The following MC4R variants were observed in gnomAD, a reference collection of about 807,000 sequenced individuals.
MC4R encodes the protein melanocortin 4 receptor, also known as melanocortin receptor 4.
A neutral mutation model predicts 16.1 loss-of-function variants in MC4R; 15 were observed. That is an observed-to-expected ratio of 0.93 (90% CI 0.62 to 1.44). The LOEUF is 1.44. MC4R is among the 40% of genes most tolerant of loss of function. The probability of loss-of-function intolerance (pLI) is 0.00; values close to 1 mark genes in which losing one functional copy is unlikely to be tolerated. For synonymous variants in MC4R, 162 were observed against 151.7 expected (o/e 1.07, Z -0.50); for missense variants, 416 against 411.4 (o/e 1.01, Z -0.10).
Position 60,371,930 on chromosome 18 carries a change from C to T in MC4R, c.420G>A (p.Leu140=), listed in dbSNP as rs1283814402. ...AGTACCTGTCCACTGCAATTGAAAG[C>T]AGGCTGCAAATGGATGCAAGCAAGG... is the stretch of plus-strand genomic sequence containing the variant. ...CSSLLASICS[L]LSIAVDRYFT... is the part of the protein sequence containing the mutation. The change falls in exon 1 of 1, where the codon CTG becomes CTA. Residue 140 remains leucine (L), a synonymous_variant. Coordinates refer to ENST00000299766, the MANE Select transcript of MC4R (RefSeq NM_005912.3). 1 of 1,614,140 alleles carries T rather than the reference C, an allele frequency of 6.2e-7. No homozygotes were observed. The highest frequency in any genetic ancestry group is 8.5e-7 in the Non-Finnish European group (1 of 1,180,024).
In MC4R at chr18:60,372,658, T is replaced by C. The variant is rs1289012904; in HGVS notation, c.-309A>G. ...CTTTAATCTTATGCATTCAAGTCTG[T>C]TCAAAATAATTTTCCTTGAAGCTGC... is the stretch of plus-strand genomic sequence containing the variant. On this transcript the variant is annotated 5_prime_UTR_variant, in exon 1 of 1. Transcript: ENST00000299766. 2 of 405,084 alleles carry C rather than the reference T, an allele frequency of 4.9e-6. No individual in the cohort carries two copies. The highest frequency in any genetic ancestry group is 4.1e-5 in the African/African-American group (2 of 48,784). The allele number at this position is 405,084 out of a possible 1,614,324, so 25.1% of individuals were successfully genotyped here. A position where few individuals can be genotyped will look rare whatever the true frequency, so the allele number is the denominator to read the frequency against.
Position 60,371,403 on chromosome 18 carries a change from A to C in MC4R, c.947T>G (p.Ile316Ser), listed in dbSNP as rs121913564. The change falls in exon 1 of 1, where the codon ATC (isoleucine) becomes AGC (serine). Residue 316 changes from isoleucine (I) to serine (S), a missense_variant. Physicochemically the swap from Ile to Ser is moderately radical, Grantham distance 142 (BLOSUM62 -2). Transcript: ENST00000299766. ...GCCTCCCAGGGGATAGCAACAGATG[A>C]TCTCTTTGAAGGTTTTCCTCAGTTC... ...SQELRKTFKE[I>S]ICCYPLGGLC... 25 of 1,614,072 alleles carry C rather than the reference A, an allele frequency of 1.5e-5. No homozygotes were observed. In the South Asian group the frequency reaches 2.6e-4, roughly 17 times the overall value.
In MC4R at chr18:60,371,319, G is replaced by A. The variant is rs1231496329; in HGVS notation, c.*32C>T. On this transcript the variant is annotated 3_prime_UTR_variant, in exon 1 of 1. Coordinates refer to ENST00000299766, the MANE Select transcript of MC4R (RefSeq NM_005912.3). The stretch of plus-strand genomic sequence containing the variant: ...GGGTAAGAGTGAAAAAGTCTCTTAT[G>A]CATGTTCCTATATTGCGTGCTCTGT... 2 of 1,611,632 alleles carry A rather than the reference G, an allele frequency of 1.2e-6. No individual in the cohort carries two copies. The highest frequency in any genetic ancestry group is 1.7e-5 in the Admixed American group (1 of 60,020).
In MC4R at chr18:60,371,724, G is replaced by A; in HGVS notation, c.626C>T (p.Ala209Val). 1.2e-6 allele frequency: 2 copies of A among 1,614,148 alleles called. No individual in the cohort carries two copies. The highest frequency in any genetic ancestry group is 1.6e-4 in the Middle Eastern group (1 of 6,062). ...CAGGAACATGTGGACATAGAGAGAA[G>A]CCATGAGAGCCAGCATGGTGAAGAA... is the stretch of plus-strand genomic sequence containing the variant. ...TMFFTMLALMASLYVHMFLMA... is the reference protein window; with the variant it reads ...TMFFTMLALMVSLYVHMFLMA... Residue 209 changes from alanine to valine, a missense_variant, in exon 1 of 1, where the codon GCT becomes GTT. Coordinates refer to ENST00000299766, the MANE Select transcript of MC4R (RefSeq NM_005912.3).
At position 60,371,992 on chromosome 18, in the gene MC4R, T is replaced by C. The variant is rs773217210; in HGVS notation, c.358A>G (p.Asn120Asp). ...ACCGAGTCAATGACATTATCAATAT[T>C]CACTGTGAAACTCTGTGCATCCGTA... The part of the protein sequence containing the change: ...TDTDAQSFTV[N>D]IDNVIDSVIC... The change falls in exon 1 of 1, where the codon AAT (asparagine) becomes GAT (aspartate). Residue 120 changes from asparagine to aspartate, a missense_variant. Asn to Asp is a conservative substitution (Grantham distance 23). Coordinates refer to ENST00000299766, the MANE Select transcript of MC4R (RefSeq NM_005912.3). The C allele has an allele frequency of 1.2e-6, 2 of 1,614,152 alleles. No homozygotes were observed. The highest frequency in any genetic ancestry group is 2.2e-5 in the East Asian group (1 of 44,880).
chr18:60,372,438 T>C lies in MC4R; in HGVS notation c.-89A>G. 1.4e-6 allele frequency: 2 copies of C among 1,452,988 alleles called. No individual in the cohort carries two copies. The highest frequency in any genetic ancestry group is 9.5e-7 in the Non-Finnish European group (1 of 1,053,034). 90.0% of individuals were successfully genotyped at this position (1,452,988 alleles called of 1,614,324 possible). On this transcript the variant is annotated 5_prime_UTR_variant, in exon 1 of 1. Coordinates refer to ENST00000299766, the MANE Select transcript of MC4R (RefSeq NM_005912.3). ...CAGTTATTTCCTCCAAGTCTTTATC[T>C]GTCTGAAAGTTGTGAGGCTAAAATT...
rs752432398 is a variant in MC4R at position 60,372,336 on chromosome 18, G to T, written c.14C>A (p.Thr5Asn). The change falls in exon 1 of 1, where the codon ACC (threonine) becomes AAC (asparagine). Residue 5 changes from threonine to asparagine, a missense_variant. Coordinates refer to ENST00000299766, the MANE Select transcript of MC4R (RefSeq NM_005912.3). Reference protein sequence around the residue: MVNSTHRGMHTSLHL... With the variant: MVNSNHRGMHTSLHL... ...CAGAGAAGTGTGCATCCCACGGTGG[G>T]TGGAGTTCACCATGCTGGCAGGAGA... The T allele has an allele frequency of 1.2e-5, 19 of 1,614,110 alleles. No individual in the cohort carries two copies. Among genetic ancestry groups the T allele is most frequent in the Non-Finnish European group, 1.6e-5 (19 of 1,180,026 alleles).
In MC4R at chr18:60,372,064, A is replaced by T; in HGVS notation, c.286T>A (p.Ser96Thr). Residue 96 changes from serine (S) to threonine (T), a missense_variant, in exon 1 of 1, where the codon TCA becomes ACA. Coordinates refer to ENST00000299766, the MANE Select transcript of MC4R (RefSeq NM_005912.3). ...LAVADMLVSVSNGSETIVITL... is the reference protein window; with the variant it reads ...LAVADMLVSVTNGSETIVITL... Reference sequence around the variant, plus strand: ...ATGACAATGGTTTCTGATCCATTTGAAACGCTCACCAGCATATCAGCCACA... The same window carrying T: ...ATGACAATGGTTTCTGATCCATTTGTAACGCTCACCAGCATATCAGCCACA... 2 of 1,614,226 alleles carry T rather than the reference A, an allele frequency of 1.2e-6. No homozygotes were observed. Among genetic ancestry groups the T allele is most frequent in the South Asian group, 2.2e-5 (2 of 91,080 alleles).
In MC4R at chr18:60,371,573, G is replaced by A; in HGVS notation, c.777C>T (p.Ala259=). The part of the protein sequence containing the change: ...ILIGVFVVCW[A]PFFLHLIFYI... ...AGAATATTAAGTGGAGGAAGAATGG[G>A]GCCCAGCAGACAACAAAGACGCCAA... Residue 259 remains alanine (A), a synonymous_variant, in exon 1 of 1, where the codon GCC becomes GCT. Coordinates refer to ENST00000299766, the MANE Select transcript of MC4R (RefSeq NM_005912.3). The A allele has an allele frequency of 1.2e-6, 2 of 1,614,170 alleles. No individual in the cohort carries two copies. The highest frequency in any genetic ancestry group is 4.5e-5 in the East Asian group (2 of 44,874).
In MC4R at chr18:60,371,272, G is replaced by T; in HGVS notation, c.*79C>A. 1 of 1,401,572 alleles carries T rather than the reference G, an allele frequency of 7.1e-7. No individual in the cohort carries two copies. 86.8% of individuals were successfully genotyped at this position (1,401,572 alleles called of 1,614,324 possible). A position where few individuals can be genotyped will look rare whatever the true frequency, so the allele number is the denominator to read the frequency against. On this transcript the variant is annotated 3_prime_UTR_variant, in exon 1 of 1. Transcript: ENST00000299766. ...ACCCTACACGGAAGAGAAAGCTGTT[G>T]CAGAAGTACAATATTCAGGTAGGGT...
At position 60,371,915 on chromosome 18, in the gene MC4R, C is replaced by CA; in HGVS notation, c.434dup (p.Asp146GlyfsTer14). The CA allele has an allele frequency of 1.2e-6, 2 of 1,614,066 alleles. No individual in the cohort carries two copies. Among genetic ancestry groups the CA allele is most frequent in the South Asian group, 2.2e-5 (2 of 91,076 alleles). ...CATAGAAGATAGTAAAGTACCTGTC[C>CA]ACTGCAATTGAAAGCAGGCTGCAAA... is the stretch of plus-strand genomic sequence containing the variant. On this transcript the variant is annotated frameshift_variant, in exon 1 of 1. Transcript: ENST00000299766. LOFTEE classifies it high-confidence loss of function.
chr18:60,372,674 T>A lies in MC4R; in HGVS notation c.-325A>T. 2.7e-6 allele frequency: 1 copy of A among 374,462 alleles called. No individual in the cohort carries two copies. Among genetic ancestry groups the A allele is most frequent in the Non-Finnish European group, 5.3e-6 (1 of 187,722 alleles). The allele number at this position is 374,462 out of a possible 1,614,324, so 23.2% of individuals were successfully genotyped here. On this transcript the variant is annotated 5_prime_UTR_variant, in exon 1 of 1. In the 5' UTR this introduces an upstream ATG that the reference lacks. Transcript: ENST00000299766. The stretch of plus-strand genomic sequence containing the variant: ...TCAAGTCTGTTCAAAATAATTTTCC[T>A]TGAAGCTGCCATGCCATTGGGAGAC...
chr18:60,372,450 G>A lies in MC4R; in HGVS notation c.-101C>T. On this transcript the variant is annotated 5_prime_UTR_variant, in exon 1 of 1. The change creates a premature stop within an existing upstream ORF in the 5' untranslated region. Transcript: ENST00000299766. Reference sequence around the variant, plus strand: ...CCAAGTCTTTATCTGTCTGAAAGTTGTGAGGCTAAAATTGCCATGCCTGCT... The same window carrying A: ...CCAAGTCTTTATCTGTCTGAAAGTTATGAGGCTAAAATTGCCATGCCTGCT... The A allele has an allele frequency of 7.3e-7, 1 of 1,361,920 alleles. No homozygotes were observed. The highest frequency in any genetic ancestry group is 1.0e-6 in the Non-Finnish European group (1 of 973,480). 84.4% of individuals were successfully genotyped at this position (1,361,920 alleles called of 1,614,324 possible). A position where few individuals can be genotyped will look rare whatever the true frequency, so the allele number is the denominator to read the frequency against.
In MC4R at chr18:60,371,816, C is replaced by T. The variant is rs146056286; in HGVS notation, c.534G>A (p.Thr178=). The T allele has an allele frequency of 1.4e-4, 222 of 1,613,952 alleles. No individual in the cohort carries two copies. The highest frequency in any genetic ancestry group is 1.8e-4 in the Non-Finnish European group (216 of 1,180,040). Residue 178 remains threonine (T), a synonymous_variant, in exon 1 of 1, where the codon ACG becomes ACA. Transcript: ENST00000299766. ...AAATGATGAACAAAATGCCTGAAAC[C>T]GTGCAAGCTGCCCAGATACAACTTA... ...IIISCIWAAC[T]VSGILFIIYS...
Position 60,372,295 on chromosome 18 carries a change from T to C in MC4R, c.55A>G (p.Ser19Gly). ...GCATTGCTGTGCAGTCTGTAACTGC[T>C]GCGGTTCCAGAGGTGCAGAGAAGTG... ...MHTSLHLWNRSSYRLHSNASE... is the reference protein window; with the variant it reads ...MHTSLHLWNRGSYRLHSNASE... The change falls in exon 1 of 1, where the codon AGC becomes GGC. Residue 19 changes from serine (S) to glycine (G), a missense_variant. By Grantham distance (56) the Ser-to-Gly change is moderately conservative. Transcript: ENST00000299766. 1 of 1,614,214 alleles carries C rather than the reference T, an allele frequency of 6.2e-7. No individual in the cohort carries two copies. Among genetic ancestry groups the C allele is most frequent in the Non-Finnish European group, 8.5e-7 (1 of 1,180,024 alleles).
Position 60,372,415 on chromosome 18 carries a change from G to A in MC4R, c.-66C>T, listed in dbSNP as rs886054078. On this transcript the variant is annotated 5_prime_UTR_variant, in exon 1 of 1. Transcript: ENST00000299766. ...CCTCCTGGGTCAGGGAGTCGTCTCA[G>A]TTATTTCCTCCAAGTCTTTATCTGT... 32 of 1,555,482 alleles carry A rather than the reference G, an allele frequency of 2.1e-5. No individual in the cohort carries two copies. In the East Asian group the frequency reaches 7.3e-4, roughly 35 times the overall value.
Position 60,371,575 on chromosome 18 carries a change from C to A in MC4R, c.775G>T (p.Ala259Ser). Residue 259 changes from alanine to serine, a missense_variant, in exon 1 of 1, where the codon GCC (alanine) becomes TCC (serine). Transcript: ENST00000299766. ...ILIGVFVVCW[A>S]PFFLHLIFYI... ...AATATTAAGTGGAGGAAGAATGGGG[C>A]CCAGCAGACAACAAAGACGCCAATC... 6.2e-7 allele frequency: 1 copy of A among 1,614,162 alleles called. No individual in the cohort carries two copies. Among genetic ancestry groups the A allele is most frequent in the South Asian group, 1.1e-5 (1 of 91,078 alleles).
At position 60,371,290 on chromosome 18, in the gene MC4R, G is replaced by T; in HGVS notation, c.*61C>A. ...AGCTGTTGCAGAAGTACAATATTCA[G>T]GTAGGGTAAGAGTGAAAAAGTCTCT... On this transcript the variant is annotated 3_prime_UTR_variant, in exon 1 of 1. Transcript: ENST00000299766. 1 of 1,519,138 alleles carries T rather than the reference G, an allele frequency of 6.6e-7. No homozygotes were observed. 94.1% of individuals were successfully genotyped at this position (1,519,138 alleles called of 1,614,324 possible).
Position 60,372,530 on chromosome 18 carries a change from G to A in MC4R, c.-181C>T. ...ACATGGAGTTTTTAGTCTCTTTTAG[G>A]TACGACTCTAATCATCATCACTTTA... On this transcript the variant is annotated 5_prime_UTR_variant, in exon 1 of 1. Transcript: ENST00000299766. 1.5e-6 allele frequency: 1 copy of A among 667,914 alleles called. No individual in the cohort carries two copies. The highest frequency in any genetic ancestry group is 2.7e-6 in the Non-Finnish European group (1 of 368,882). The allele number at this position is 667,914 out of a possible 1,614,324, so 41.4% of individuals were successfully genotyped here.
Sources: gnomAD v4.1 joint callset for allele counts on GRCh38, gnomAD v4.1.1 for gene constraint, MANE v1.5 for transcripts, NCBI Gene and HGNC (gene_info 2026-07-23, HGNC 2026-07-21) for gene names.